The following NAV2 variants were observed in gnomAD, a reference collection of about 807,000 sequenced individuals.
NAV2 encodes helicase, APC down-regulated 1.
Under a neutral mutation model 223.2 loss-of-function variants are expected in NAV2, and 54 were observed. The observed-to-expected ratio is 0.24, with a 90% confidence interval of 0.19 to 0.30. The LOEUF (loss-of-function observed/expected upper bound fraction) is 0.30. Among genes scored for constraint, NAV2 ranks in the 10% least tolerant of loss-of-function variants. The pLI is 1.00. For missense variants in NAV2, 2,806 were observed against 3,147.5 expected, an observed-to-expected ratio of 0.89 and a Z score of 2.60; for synonymous variants, 1,279 against 1,239.3, an observed-to-expected ratio of 1.03 and a Z score of -0.67.
intron 1 of NAV2, among the ~76,000 whole-genome samples, chr11:19,508,464 T>C (rs2043186646): frequency 2.0e-5 from 3 of 152,218 alleles, no homozygotes; most frequent in African/African-American, 7.2e-5. Context: ...CCTTCTCTCC[T>C]CAGGGCCTTT....
rs2063373764 is a variant in NAV2, at chr11:20,119,601, C to T, written c.*1343C>T. 1 of 152,670 alleles carries T rather than the reference C, an allele frequency of 6.6e-6. No individual in the cohort carries two copies. Among genetic ancestry groups the T allele is most frequent in the African/African-American group, 2.4e-5 (1 of 41,450 alleles). The allele number at this position is 152,670 out of a possible 1,614,324, so 9.5% of individuals were successfully genotyped here. A position where few individuals can be genotyped will look rare whatever the true frequency, so the allele number is the denominator to read the frequency against. ...CTGGACGAGCCTTGCCTGACCTCTT[C>T]GGTGCTGACCTTCCCAAAGTGATGC... On this transcript the variant is annotated 3_prime_UTR_variant, in exon 38 of 38. Transcript: ENST00000349880.
chr11:19,794,211 A>G (rs1442366631), intron 1 of NAV2, among the ~76,000 whole-genome samples: 1 of 152,204 alleles, frequency 6.6e-6, no homozygotes, highest in East Asian at 1.9e-4. Flanking sequence ...GGGTCCTCTG[A>G]AAAGGAACGC....
intron 1 of NAV2, among the ~76,000 whole-genome samples, chr11:19,634,234 TG>T: frequency 6.6e-6 from 1 of 152,168 alleles, no homozygotes. Flanking sequence ...GTGAGGGAGG[TG>T]GCATTGAGTA....
rs377497816 is a variant in NAV2 at position 19,491,596 on chromosome 11, C to T, written c.75+140569C>T. Among the ~76,000 whole-genome samples the T allele has an allele frequency of 6.6e-5, 10 of 152,246 alleles. 1 individual carries two copies. The South Asian group carries it at 2.1e-3, about 32-fold the overall frequency. ...GTCGTGTCTCTAAATTAGACTTTGGCTTAAGGGAATGTTGTGGATGATTTG... is the reference window on the plus strand; with the variant it reads ...GTCGTGTCTCTAAATTAGACTTTGGTTTAAGGGAATGTTGTGGATGATTTG... On this transcript the variant is annotated intron_variant, in intron 1 of 37. Coordinates refer to the NAV2 transcript ENST00000360655.
At chr11:19,499,390 G>T (rs780686472) in intron 1 of NAV2, among the ~76,000 whole-genome samples, 114 of 152,214 alleles carry the variant, frequency 7.5e-4, no homozygotes, top group Non-Finnish European at 1.0e-3. Flanking sequence ...GGGTCAAGGT[G>T]GGAAAGGGCA....
intron 1 of NAV2, among the ~76,000 whole-genome samples, chr11:19,479,075 G>A (rs145518996): frequency 5.5e-4 from 84 of 152,236 alleles, no homozygotes; most frequent in African/African-American, 1.9e-3. Flanking sequence ...GAGTCTGGAG[G>A]GTCGCTGTGA....
intron 1 of NAV2, among the ~76,000 whole-genome samples, chr11:19,786,844 G>A (rs141285284): frequency 2.0e-4 from 31 of 152,292 alleles, no homozygotes; most frequent in African/African-American, 7.5e-4. Flanking sequence ...TGTGTGTTAA[G>A]GTGGGTGTGG....
upstream of NAV2, among the ~76,000 whole-genome samples, chr11:19,348,448 C>G (rs1853117968): frequency 6.6e-6 from 1 of 152,180 alleles, no homozygotes; most frequent in Non-Finnish European, 1.5e-5. Flanking sequence ...TGGATATGAG[C>G]AGGAACTTTG....
intron 11 of NAV2, among the ~76,000 whole-genome samples, chr11:20,005,376 G>C: frequency 6.6e-6 from 1 of 151,510 alleles, no homozygotes; most frequent in Non-Finnish European, 1.5e-5. Context: ...CTCCTGAGCA[G>C]CTGGGACTAC....
intron 11 of NAV2, among the ~76,000 whole-genome samples, chr11:20,001,661 C>T (rs926245315): frequency 7.5e-6 from 1 of 133,780 alleles, no homozygotes; most frequent in Non-Finnish European, 1.5e-5. Flanking sequence ...ACAATGAGAA[C>T]ACTCGGACAC....
At chr11:19,584,589 C>G (rs2045831355) in intron 1 of NAV2, among the ~76,000 whole-genome samples, 1 of 152,184 alleles carries the variant, frequency 6.6e-6, no homozygotes, top group Non-Finnish European at 1.5e-5. Context: ...TCTTTGTTCT[C>G]ATTGGTTTCA....
chr11:19,892,832 A>G (rs1024632366), intron 6 of NAV2, among the ~76,000 whole-genome samples: 2 of 152,226 alleles, frequency 1.3e-5, no homozygotes, highest in African/African-American at 4.8e-5. Context: ...GTGGGGCCCC[A>G]TAGACACCCG....
At chr11:19,779,201 T>C (rs1263759183) in intron 1 of NAV2, among the ~76,000 whole-genome samples, 1 of 152,206 alleles carries the variant, frequency 6.6e-6, no homozygotes, top group Non-Finnish European at 1.5e-5. Context: ...AAGGTAGTTA[T>C]GGTCCACCAA....
chr11:19,714,108 G>A, intron 1 of NAV2, 146 bp downstream of exon 1: 1 of 1,256,688 alleles, frequency 8.0e-7, no homozygotes, highest in Non-Finnish European at 1.1e-6. Context: ...GGCAGGTTGG[G>A]GGATGCGCGA....
At chr11:19,924,312 CA>C (rs1192720221) in intron 6 of NAV2, among the ~76,000 whole-genome samples, 5 of 139,848 alleles carry the variant, frequency 3.6e-5, no homozygotes, top group South Asian at 2.3e-4. Context: ...AAAAAAAAAA[CA>C]AAAAAAAACT....
intron 5 of NAV2, among the ~76,000 whole-genome samples, chr11:19,887,179 GA>G (rs1215590384): frequency 3.3e-5 from 5 of 152,148 alleles, no homozygotes; most frequent in Non-Finnish European, 4.4e-5. Flanking sequence ...ACACCTGCCA[GA>G]ACCCAACACT....
At chr11:19,559,958 T>A (rs542744310) in intron 1 of NAV2, among the ~76,000 whole-genome samples, 3 of 152,332 alleles carry the variant, frequency 2.0e-5, no homozygotes, top group Admixed American at 6.5e-5. Context: ...GAATCCCGAT[T>A]TCTCTAGCTG....
chr11:19,504,220 C>T (rs1426259069), intron 1 of NAV2: 1 of 152,160 alleles, frequency 6.6e-6, no homozygotes, highest in Non-Finnish European at 1.5e-5. Flanking sequence ...GGTGGAAATG[C>T]AAAATGAAAT....
At chr11:20,040,386 A>G (rs761161913) in intron 12 of NAV2, among the ~76,000 whole-genome samples, 13 of 152,328 alleles carry the variant, frequency 8.5e-5, no homozygotes, top group Admixed American at 8.5e-4. Flanking sequence ...GTCCCCCCAC[A>G]CTGAGTTCAC....
Sources: gnomAD v4.1 joint callset for allele counts (sites outside exome capture counted in the v4.1 genomes callset) on GRCh38, gnomAD v4.1.1 for gene constraint, MANE v1.5 for transcripts, NCBI Gene and HGNC (gene_info 2026-07-23, HGNC 2026-07-21) for gene names.